The following ODAD2 variants were observed in gnomAD, a reference collection of about 807,000 sequenced individuals.
ODAD2 encodes the protein outer dynein arm docking complex subunit 2, also known as outer dynein arm-docking complex subunit 2.
ODAD2 carries 89 observed loss-of-function variants against 106.8 expected under a neutral mutation model. The ratio of observed to expected loss-of-function variants is 0.83; its 90% CI spans 0.70 to 0.99. ODAD2 has a LOEUF of 0.99. Among genes scored for constraint, ODAD2 ranks in the 50% least tolerant of loss-of-function variants. The pLI, the probability that ODAD2 is intolerant of heterozygous loss-of-function variation, is 0.00. For missense variants in ODAD2, 1,168 were observed against 1,238.5 expected, an observed-to-expected ratio of 0.94 and a Z score of 0.85; for synonymous variants, 404 against 436.2, an observed-to-expected ratio of 0.93 and a Z score of 0.92.
intron 19 of ODAD2, among the ~76,000 whole-genome samples, chr10:27,825,652 T>C (rs1836981860): frequency 6.6e-6 from 1 of 152,118 alleles, no homozygotes; most frequent in Non-Finnish European, 1.5e-5. Context: ...AAGGGTTGAG[T>C]TCCAAATCTA....
intron 17 of ODAD2, among the ~76,000 whole-genome samples, chr10:27,900,968 A>G (rs1430871114): frequency 1.3e-5 from 2 of 152,182 alleles, no homozygotes; most frequent in East Asian, 1.9e-4. Flanking sequence ...AGAGAACACC[A>G]CAAAGATACT....
At chr10:27,885,753 A>C (rs1390959547) in intron 17 of ODAD2, among the ~76,000 whole-genome samples, 1 of 58,576 alleles carries the variant, frequency 1.7e-5, no homozygotes, top group Non-Finnish European at 2.9e-5. Flanking sequence ...TATATATAAT[A>C]TATATTTTAT....
intron 17 of ODAD2, among the ~76,000 whole-genome samples, chr10:27,870,773 G>C (rs1032790005): frequency 1.3e-5 from 2 of 152,104 alleles, no homozygotes; most frequent in African/African-American, 4.8e-5. Context: ...ATTTGGGTTG[G>C]TTCCAAGTAT....
Position 27,859,836 on chromosome 10 carries a change from TAAAC to T in ODAD2, c.3021+785_3021+788del, listed in dbSNP as rs543670883. Among the ~76,000 whole-genome samples, 64 of 152,252 alleles carry T rather than the reference TAAAC, an allele frequency of 4.2e-4. 1 individual carries two copies. The highest frequency in any genetic ancestry group is 6.0e-4 in the African/African-American group (25 of 41,572). On this transcript the variant is annotated intron_variant, in intron 19 of 19. Coordinates refer to ENST00000305242, the MANE Select transcript of ODAD2 (RefSeq NM_018076.5). ...TTTCCTGTCTACTGATGCACAGATT[TAAAC>T]AAACAAACAAACAAACAAACATGTC...
chr10:27,944,841 A>G lies in ODAD2; in HGVS notation c.1508T>C (p.Leu503Pro). ...VGGLEVLINLLETDEVKCKIG... is the reference protein window; with the variant it reads ...VGGLEVLINLPETDEVKCKIG... The stretch of plus-strand genomic sequence containing the variant: ...CTTACATTTGACTTCATCGGTTTCA[A>G]GCAAATTTATCAGCACTTCCAGGCC... Residue 503 changes from leucine (L) to proline (P), a missense_variant, in exon 11 of 20, where the codon CTT becomes CCT. Physicochemically the swap from Leu to Pro is moderately conservative, Grantham distance 98. Coordinates refer to ENST00000305242, the MANE Select transcript of ODAD2 (RefSeq NM_018076.5). 1 of 1,614,150 alleles carries G rather than the reference A, an allele frequency of 6.2e-7. No homozygotes were observed. Among genetic ancestry groups the G allele is most frequent in the Non-Finnish European group, 8.5e-7 (1 of 1,179,996 alleles).
At chr10:27,943,769 T>C (rs2132618663) in intron 12 of ODAD2, among the ~76,000 whole-genome samples, 1 of 120,634 alleles carries the variant, frequency 8.3e-6, no homozygotes, top group Admixed American at 1.1e-4. Context: ...CACTCCAGCC[T>C]GAGCCACAGA....
intron 17 of ODAD2, chr10:27,904,205 C>T (rs540115299): frequency 5.7e-5 from 19 of 333,744 alleles, no homozygotes; most frequent in African/African-American, 4.1e-4. Context: ...AGGGCTCCTG[C>T]AATGTGGTGC....
intron 10 of ODAD2, among the ~76,000 whole-genome samples, chr10:27,960,975 T>C (rs1172873170): frequency 6.6e-6 from 1 of 152,202 alleles, no homozygotes; most frequent in Non-Finnish European, 1.5e-5. Context: ...AATACTTAAA[T>C]ACGTTACATG....
At chr10:27,977,513 GC>G (rs1849270087) in intron 7 of ODAD2, among the ~76,000 whole-genome samples, 1 of 151,962 alleles carries the variant, frequency 6.6e-6, no homozygotes, top group Non-Finnish European at 1.5e-5. Flanking sequence ...CTTGCAACGA[GC>G]CAAGATCGAT....
At chr10:27,821,685 T>C (rs1018356091) in intron 19 of ODAD2, among the ~76,000 whole-genome samples, 21 of 152,218 alleles carry the variant, frequency 1.4e-4, no homozygotes, top group Non-Finnish European at 1.5e-5. Context: ...CATAATTACA[T>C]AAAAGGAATA....
intron 14 of ODAD2, 53 bp downstream of exon 14, chr10:27,939,844 C>T: frequency 8.7e-7 from 1 of 1,145,932 alleles, no homozygotes; most frequent in South Asian, 1.5e-5. Flanking sequence ...TAGAAAACTA[C>T]CTTAAACTAT....
chr10:27,850,444 C>CA (rs10713871), intron 19 of ODAD2, among the ~76,000 whole-genome samples: 4,526 of 89,342 alleles, frequency 0.051, 286 homozygotes, highest in African/African-American at 0.16. Context: ...GACTCCGTCT[C>CA]AAAAAAAAAA....
chr10:27,819,833 TA>T (rs34381002), intron 19 of ODAD2, among the ~76,000 whole-genome samples: 96,798 of 145,082 alleles, frequency 0.67, 34,235 homozygotes, highest in Non-Finnish European at 0.81. Flanking sequence ...CTTATCTCTT[TA>T]AAAAAAAAAA....
chr10:27,940,516 A>C, intron 13 of ODAD2, 47 bp downstream of exon 13: 3 of 1,602,878 alleles, frequency 1.9e-6, no homozygotes, highest in Non-Finnish European at 2.6e-6. Context: ...TTTGGACTAA[A>C]GAAAGTCAAG....
chr10:27,965,045 C>T (rs888326659), intron 9 of ODAD2, among the ~76,000 whole-genome samples: 1 of 152,088 alleles, frequency 6.6e-6, no homozygotes, highest in African/African-American at 2.4e-5. Flanking sequence ...AAGACTGAAA[C>T]CAGGGAGTGT....
intron 3 of ODAD2, among the ~76,000 whole-genome samples, chr10:27,986,878 G>C (rs996563043): frequency 8.5e-5 from 13 of 152,202 alleles, no homozygotes; most frequent in African/African-American, 3.1e-4. Flanking sequence ...AGGCTGTGAA[G>C]TCCACAGTGG....
intron 16 of ODAD2, among the ~76,000 whole-genome samples, chr10:27,908,978 C>G (rs551175412): frequency 1.3e-5 from 2 of 152,216 alleles, no homozygotes; most frequent in South Asian, 4.1e-4. Context: ...AAACCTAAAA[C>G]TTTCATACCA....
At chr10:27,841,633 T>C (rs1211042996) in intron 19 of ODAD2, among the ~76,000 whole-genome samples, 1 of 152,100 alleles carries the variant, frequency 6.6e-6, no homozygotes, top group Admixed American at 6.5e-5. Flanking sequence ...TGACCTCAGG[T>C]GATCTGCCTG....
rs764931318 is a variant in ODAD2 at position 27,929,017 on chromosome 10, T to C, written c.2495+5993A>G. On this transcript the variant is annotated intron_variant, in intron 16 of 19. Coordinates refer to ENST00000305242, the MANE Select transcript of ODAD2 (RefSeq NM_018076.5). ...AGGCAATGGTTCCAGAATCCATATGTTTAGCCATTATACACTATACGTATG... is the reference window on the plus strand; with the variant it reads ...AGGCAATGGTTCCAGAATCCATATGCTTAGCCATTATACACTATACGTATG... Among the ~76,000 whole-genome samples the C allele has an allele frequency of 4.7e-4, 71 of 152,126 alleles. 1 individual carries two copies. Among genetic ancestry groups the C allele is most frequent in the Non-Finnish European group, 7.4e-5 (5 of 67,994 alleles).
Sources: gnomAD v4.1 joint callset for allele counts (sites outside exome capture counted in the v4.1 genomes callset) on GRCh38, gnomAD v4.1.1 for gene constraint, MANE v1.5 for transcripts, NCBI Gene and HGNC (gene_info 2026-07-23, HGNC 2026-07-21) for gene names.